The following GLI3 variants were observed in gnomAD, a reference collection of about 807,000 sequenced individuals.
GLI3 encodes the protein GLI family zinc finger 3, also known as transcription activator GLI3.
GLI3 carries 20 observed loss-of-function variants against 100.8 expected under a neutral mutation model. The ratio of observed to expected loss-of-function variants is 0.20; its 90% confidence interval spans 0.14 to 0.29. GLI3 has a LOEUF of 0.29. Among genes scored for constraint, GLI3 ranks in the 10% least tolerant of loss-of-function variants. GLI3 has a pLI of 1.00. For missense variants in GLI3, 2,040 were observed against 2,128.5 expected, an observed-to-expected ratio of 0.96 and a Z score of 0.82; for synonymous variants, 938 against 860.5, an observed-to-expected ratio of 1.09 and a Z score of -1.58.
intron 3 of GLI3, among the ~76,000 whole-genome samples, chr7:42,121,989 C>G (rs1786011652): frequency 6.6e-6 from 1 of 152,064 alleles, no homozygotes; most frequent in Non-Finnish European, 1.5e-5. Flanking sequence ...AGCCAATCCC[C>G]TCTCCCCTTG....
intron 7 of GLI3, among the ~76,000 whole-genome samples, chr7:42,038,664 G>A (rs924905021): frequency 3.9e-5 from 6 of 152,144 alleles, no homozygotes; most frequent in African/African-American, 1.2e-4. Context: ...GTGACCATAT[G>A]AAAAGAACAA....
intron 10 of GLI3, among the ~76,000 whole-genome samples, chr7:42,012,406 T>C (rs1788641104): frequency 6.6e-6 from 1 of 152,090 alleles, no homozygotes; most frequent in Non-Finnish European, 1.5e-5. Context: ...TTCTCTCTCC[T>C]GTAACATTTC....
intron 2 of GLI3, among the ~76,000 whole-genome samples, chr7:42,207,573 GT>G (rs1788180896): frequency 6.6e-6 from 1 of 152,056 alleles, no homozygotes; most frequent in East Asian, 1.9e-4. Context: ...AAAGCACACA[GT>G]TTTTTTGGAA....
chr7:42,217,356 T>A (rs1013519931), intron 2 of GLI3, among the ~76,000 whole-genome samples: 5 of 152,190 alleles, frequency 3.3e-5, no homozygotes, highest in African/African-American at 1.2e-4. Flanking sequence ...TCAGGACATG[T>A]GAGTTTGGAG....
chr7:42,069,068 T>C (rs956858287), intron 4 of GLI3, among the ~76,000 whole-genome samples: 2 of 152,186 alleles, frequency 1.3e-5, no homozygotes, highest in Non-Finnish European at 2.9e-5. Context: ...GCAGCCTCTA[T>C]AGAGTCGGCG....
intron 2 of GLI3, among the ~76,000 whole-genome samples, chr7:42,171,749 A>G (rs899858328): frequency 6.6e-6 from 1 of 152,270 alleles, no homozygotes; most frequent in African/African-American, 2.4e-5. Context: ...GAGTCCTTAG[A>G]GAATTCCTTC....
intron 3 of GLI3, among the ~76,000 whole-genome samples, chr7:42,128,027 A>AAAAAAAAAAAAG (rs1554331514): frequency 2.7e-5 from 4 of 146,886 alleles, no homozygotes; most frequent in African/African-American, 7.6e-5. Context: ...TCAAAAAAAA[A>AAAAAAAAAAAAG]AAAAAGAAAA....
At chr7:41,986,930 G>A (rs1400002549) in intron 10 of GLI3, among the ~76,000 whole-genome samples, 2 of 150,572 alleles carry the variant, frequency 1.3e-5, no homozygotes, top group African/African-American at 4.9e-5. Flanking sequence ...AATTGTGGGA[G>A]AATAGGAAGA....
chr7:42,149,350 C>T (rs1324862548), intron 2 of GLI3, among the ~76,000 whole-genome samples: 1 of 152,222 alleles, frequency 6.6e-6, no homozygotes, highest in East Asian at 1.9e-4. Flanking sequence ...TTTCCTAATA[C>T]TTCAGTTCCC....
chr7:42,050,028 T>G (rs1279944023), intron 4 of GLI3, among the ~76,000 whole-genome samples: 1 of 152,170 alleles, frequency 6.6e-6, no homozygotes, highest in African/African-American at 2.4e-5. Context: ...AAAAGCCAGC[T>G]CCACTAAGTG....
At chr7:42,251,588 C>G (rs1789033076) in intron 1 of GLI3, among the ~76,000 whole-genome samples, 1 of 151,928 alleles carries the variant, frequency 6.6e-6, no homozygotes, top group African/African-American at 2.4e-5. Flanking sequence ...ATAAGGAGAG[C>G]AGAGAGAGAA....
intron 1 of GLI3, among the ~76,000 whole-genome samples, chr7:42,249,207 A>G (rs1789006428): frequency 6.6e-6 from 1 of 152,186 alleles, no homozygotes; most frequent in Non-Finnish European, 1.5e-5. Context: ...CAGGCCATAC[A>G]GTATCCACAT....
intron 4 of GLI3, among the ~76,000 whole-genome samples, chr7:42,074,786 A>G (rs1784846748): frequency 6.6e-6 from 1 of 152,204 alleles, no homozygotes; most frequent in Non-Finnish European, 1.5e-5. Flanking sequence ...AGAATCTTCC[A>G]GGACTTGTCT....
intron 1 of GLI3, among the ~76,000 whole-genome samples, chr7:42,253,838 C>T (rs1253464457): frequency 2.0e-5 from 3 of 152,124 alleles, no homozygotes; most frequent in African/African-American, 7.2e-5. Flanking sequence ...AATTTTGATA[C>T]AGGTTTAATT....
chr7:42,126,178 A>G (rs1562744639), intron 3 of GLI3, among the ~76,000 whole-genome samples: 2 of 152,244 alleles, frequency 1.3e-5, no homozygotes, highest in African/African-American at 4.8e-5. Context: ...TTTCCAAATC[A>G]TACCAGGAGA....
At chr7:42,080,777 G>T (rs1784980604) in intron 3 of GLI3, among the ~76,000 whole-genome samples, 1 of 152,168 alleles carries the variant, frequency 6.6e-6, no homozygotes, top group African/African-American at 2.4e-5. Flanking sequence ...TTGCCTTGCT[G>T]GTGTCTTGGT....
At chr7:42,138,738 T>C (rs1003818959) in intron 3 of GLI3, among the ~76,000 whole-genome samples, 3 of 152,218 alleles carry the variant, frequency 2.0e-5, no homozygotes, top group African/African-American at 7.2e-5. Context: ...TTCTCTGCTC[T>C]TGTCTAAATT....
intron 2 of GLI3, among the ~76,000 whole-genome samples, chr7:42,198,691 T>C (rs1286713695): frequency 1.3e-5 from 2 of 152,050 alleles, no homozygotes; most frequent in Non-Finnish European, 2.9e-5. Context: ...TAATGTAGTA[T>C]CTAAAATTTT....
intron 4 of GLI3, among the ~76,000 whole-genome samples, chr7:42,061,046 G>A (rs562919029): frequency 1.3e-5 from 2 of 152,288 alleles, no homozygotes; most frequent in South Asian, 4.1e-4. Context: ...TACTTTAAAA[G>A]TCTCAGCAGC....
Sources: gnomAD v4.1 joint callset for allele counts (sites outside exome capture counted in the v4.1 genomes callset) on GRCh38, gnomAD v4.1.1 for gene constraint, MANE v1.5 for transcripts, NCBI Gene and HGNC (gene_info 2026-07-23, HGNC 2026-07-21) for gene names.